SAP30BP: variants seen among roughly 807,000 people sequenced by gnomAD.
The protein encoded by SAP30BP is SAP30 binding protein, also known as SAP30-binding protein.
In SAP30BP, 31 loss-of-function variants were observed where a neutral mutation model predicts 46.3. The observed-to-expected ratio is 0.67, with a 90% CI of 0.50 to 0.90. SAP30BP has a LOEUF of 0.90. Ranked by LOEUF, SAP30BP falls within the 40% of genes least tolerant of loss-of-function variation. SAP30BP has a pLI of 0.00. For synonymous variants in SAP30BP, 169 were observed against 144.2 expected (o/e 1.17, Z -1.23); for missense variants, 312 against 391.0 (o/e 0.80, Z 1.70).
At position 75,674,697 on chromosome 17, in the gene SAP30BP, G is replaced by GTTTTTTTTTTTTTT. The variant is rs66721865; in HGVS notation, c.264+2849_264+2862dup. On this transcript the variant is annotated intron_variant, in intron 3 of 10. Coordinates refer to ENST00000584667, the MANE Select transcript of SAP30BP (RefSeq NM_013260.8). ...TATGAAGTTTTTTTGTTTGTTTTTTGTTTTTTTTTTTTTTTTTTTTTTTTT... is the reference window on the plus strand; with the variant it reads ...TATGAAGTTTTTTTGTTTGTTTTTTGTTTTTTTTTTTTTTTTTTTTTTTTTTTTTTTTTTTTTTT... 9.9e-4 allele frequency among the ~76,000 whole-genome samples: 61 copies of GTTTTTTTTTTTTTT among 61,550 alleles called. 5 individuals carry two copies. The highest frequency in any genetic ancestry group is 0.011 in the Middle Eastern group (1 of 92). The allele number at this position is 61,550 out of a possible 152,430, so 40.4% of individuals were successfully genotyped here. A position where few individuals can be genotyped will look rare whatever the true frequency, so the allele number is the denominator to read the frequency against.
chr17:75,671,776 G>T (rs746017734), intron 2 of SAP30BP, 40 bp from the exon 3 acceptor site: 7 of 1,557,428 alleles, frequency 4.5e-6, no homozygotes, highest in Non-Finnish European at 6.2e-6. Flanking sequence ...CCTCAGGCCC[G>T]CTCCTTTAAG....
At chr17:75,702,420 G>A (rs780700625) in intron 5 of SAP30BP, 60 bp from the exon 6 acceptor site, 40 of 696,320 alleles carry the variant, frequency 5.7e-5, no homozygotes, top group Non-Finnish European at 1.0e-4. Flanking sequence ...CAGGGGCTGG[G>A]ACGGTGGAGG....
At chr17:75,693,190 T>G in intron 3 of SAP30BP, 2 of 476,840 alleles carry the variant, frequency 4.2e-6, no homozygotes, top group Non-Finnish European at 3.8e-6. Flanking sequence ...CGATGGTGGG[T>G]TTGGTCACTG....
At chr17:75,668,962 A>T (rs1040362906) in intron 2 of SAP30BP, among the ~76,000 whole-genome samples, 10 of 152,124 alleles carry the variant, frequency 6.6e-5, no homozygotes, top group African/African-American at 2.4e-4. Flanking sequence ...CTGGTGTATC[A>T]TTTATATCTA....
chr17:75,705,869 C>G, intron 9 of SAP30BP, 139 bp from the exon 10 acceptor site: 1 of 1,276,646 alleles, frequency 7.8e-7, no homozygotes, highest in Non-Finnish European at 1.1e-6. Context: ...CGCCCTACCC[C>G]AGATGGGCAG....
intron 4 of SAP30BP, among the ~76,000 whole-genome samples, chr17:75,694,118 C>T (rs571665038): frequency 6.6e-6 from 1 of 152,222 alleles, no homozygotes; most frequent in East Asian, 1.9e-4. Context: ...GTGGGGTTGG[C>T]CCTCCCTCTC....
chr17:75,667,611 G>T (rs2059813845), intron 1 of SAP30BP, 133 bp downstream of exon 1: 1 of 722,574 alleles, frequency 1.4e-6, no homozygotes, highest in Non-Finnish European at 2.3e-6. Context: ...CCAGGGTCCG[G>T]GGTGAGATAG....
rs1188774088 is a variant in SAP30BP, at chr17:75,704,738, C to T, written c.602-18C>T. On this transcript the variant is annotated intron_variant, in intron 8 of 10. Transcript: ENST00000584667. ...TGCTCGGGGGCCACCTTTGTAACAG[C>T]TTCTCTTGTCTTCATAGCCAAGGCC... is the stretch of plus-strand genomic sequence containing the variant. 2 of 1,609,626 alleles carry T rather than the reference C, an allele frequency of 1.2e-6. No homozygotes were observed. The highest frequency in any genetic ancestry group is 1.7e-5 in the Admixed American group (1 of 60,016).
intron 3 of SAP30BP, chr17:75,690,593 A>G (rs1203542533): frequency 2.3e-6 from 1 of 436,072 alleles, no homozygotes; most frequent in East Asian, 7.0e-5. Context: ...TGCTGGGATT[A>G]CAGGCGTGAG....
At chr17:75,701,566 A>G (rs1181580505) in intron 5 of SAP30BP, among the ~76,000 whole-genome samples, 2 of 152,166 alleles carry the variant, frequency 1.3e-5, no homozygotes, top group Non-Finnish European at 2.9e-5. Flanking sequence ...TGGGTGAGAG[A>G]TAAGCAGTTA....
At chr17:75,690,780 C>A (rs1243852135) in intron 3 of SAP30BP, 1 of 456,446 alleles carries the variant, frequency 2.2e-6, no homozygotes, top group South Asian at 1.5e-5. Flanking sequence ...AAGGTATAGC[C>A]AGCAGGAGGC....
chr17:75,701,177 T>C (rs566734305), intron 5 of SAP30BP, among the ~76,000 whole-genome samples: 1 of 152,328 alleles, frequency 6.6e-6, no homozygotes, highest in African/African-American at 2.4e-5. Flanking sequence ...TCCTAAATGT[T>C]GTCATGTGGG....
chr17:75,700,643 G>A (rs1336515573), intron 5 of SAP30BP, among the ~76,000 whole-genome samples: 1 of 152,180 alleles, frequency 6.6e-6, no homozygotes, highest in Non-Finnish European at 1.5e-5. Flanking sequence ...GCTAGGGGAG[G>A]GCCAGAGCAG....
intron 5 of SAP30BP, among the ~76,000 whole-genome samples, chr17:75,701,163 C>T (rs1036595940): frequency 3.9e-5 from 6 of 152,182 alleles, no homozygotes; most frequent in African/African-American, 1.4e-4. Context: ...CCCCTCCTGA[C>T]GTGTCCTAAA....
chr17:75,669,583 G>A (rs1472690787), intron 2 of SAP30BP, among the ~76,000 whole-genome samples: 1 of 152,014 alleles, frequency 6.6e-6, no homozygotes, highest in Non-Finnish European at 1.5e-5. Context: ...TAGAGACGTT[G>A]TTTCACTATG....
chr17:75,696,178 G>A (rs992033688), intron 4 of SAP30BP, among the ~76,000 whole-genome samples: 5 of 152,122 alleles, frequency 3.3e-5, no homozygotes, highest in African/African-American at 7.2e-5. Context: ...CAGACCCAGC[G>A]CTGCTTCCAA....
At chr17:75,678,041 A>AG (rs2060019309) in intron 3 of SAP30BP, among the ~76,000 whole-genome samples, 1 of 151,984 alleles carries the variant, frequency 6.6e-6, no homozygotes, top group African/African-American at 2.4e-5. Flanking sequence ...AGCCATGTTG[A>AG]GGGTGGGTTA....
intron 4 of SAP30BP, among the ~76,000 whole-genome samples, chr17:75,695,716 A>T (rs2060307516): frequency 6.6e-6 from 1 of 152,092 alleles, no homozygotes; most frequent in Non-Finnish European, 1.5e-5. Context: ...CTTACCAGGT[A>T]TGGGAAGTGT....
At chr17:75,694,819 G>A (rs1187854269) in intron 4 of SAP30BP, among the ~76,000 whole-genome samples, 1 of 152,238 alleles carries the variant, frequency 6.6e-6, no homozygotes. Context: ...ATGTGTGTGG[G>A]CATCAGCCAT....
Sources: gnomAD v4.1 joint callset for allele counts (sites outside exome capture counted in the v4.1 genomes callset) on GRCh38, gnomAD v4.1.1 for gene constraint, MANE v1.5 for transcripts, NCBI Gene and HGNC (gene_info 2026-07-23, HGNC 2026-07-21) for gene names.